ADAM18: variants seen among roughly 807,000 people sequenced by gnomAD.
The protein encoded by ADAM18 is ADAM metallopeptidase domain 18.
A neutral mutation model predicts 94.4 loss-of-function variants in ADAM18; 117 were observed. The observed-to-expected ratio is 1.24, with a 90% CI of 1.07 to 1.45. The LOEUF (loss-of-function observed/expected upper bound fraction) is 1.45, where lower values mean the gene tolerates loss of function less well. Among genes scored for constraint, ADAM18 ranks in the 40% most tolerant of loss-of-function variants. The pLI is 0.00. For synonymous variants in ADAM18, 327 were observed against 291.6 expected (o/e 1.12, Z -1.24); for missense variants, 936 against 880.0 (o/e 1.06, Z -0.81).
At position 39,669,873 on chromosome 8, in the gene ADAM18, C is replaced by A. The variant is rs1412768535; in HGVS notation, c.1525+1677C>A. Among the ~76,000 whole-genome samples, 3 of 152,114 alleles carry A rather than the reference C, an allele frequency of 2.0e-5. No homozygotes were observed. In the South Asian group the frequency reaches 6.2e-4, roughly 31 times the overall value. On this transcript the variant is annotated intron_variant, in intron 14 of 19. Transcript: ENST00000265707. ...TCAAATGGTATTTCTAGTTCTAGAT[C>A]CCTGAGGAATCACCACACTGACTTC...
At chr8:39,643,531 A>G (rs929424712) in intron 10 of ADAM18, among the ~76,000 whole-genome samples, 1 of 152,140 alleles carries the variant, frequency 6.6e-6, no homozygotes, top group Non-Finnish European at 1.5e-5. Flanking sequence ...CCATAACAAA[A>G]TACCGCAAAC....
At chr8:39,587,833 T>C (rs982730125) in intron 2 of ADAM18, among the ~76,000 whole-genome samples, 2 of 152,202 alleles carry the variant, frequency 1.3e-5, no homozygotes, top group Non-Finnish European at 2.9e-5. Flanking sequence ...CATAACATAA[T>C]GTTCTGTGGG....
intron 19 of ADAM18, among the ~76,000 whole-genome samples, chr8:39,724,781 GT>G (rs930166211): frequency 3.3e-5 from 5 of 151,776 alleles, no homozygotes; most frequent in African/African-American, 1.2e-4. Flanking sequence ...AAAATATTCT[GT>G]TTTTTCTTGT....
At position 39,630,211 on chromosome 8, in the gene ADAM18, TG is replaced by T. The variant is rs546672158; in HGVS notation, c.588+773del. Among the ~76,000 whole-genome samples the T allele has an allele frequency of 2.2e-3, 329 of 151,916 alleles. 1 individual carries two copies. The highest frequency in any genetic ancestry group is 7.3e-3 in the African/African-American group (305 of 41,528). On this transcript the variant is annotated intron_variant, in intron 7 of 19. Transcript: ENST00000265707. ...GAATAAATACACTTCTGGTTTTAAA[TG>T]TATATTTATTTTTAAAATTAGTACT... is the stretch of plus-strand genomic sequence containing the variant.
intron 17 of ADAM18, among the ~76,000 whole-genome samples, chr8:39,699,870 C>T (rs987927235): frequency 6.6e-6 from 1 of 152,092 alleles, no homozygotes; most frequent in African/African-American, 2.4e-5. Flanking sequence ...TCTGATATTT[C>T]CCAATGAGCT....
intron 18 of ADAM18, among the ~76,000 whole-genome samples, chr8:39,716,665 AT>A (rs1822588760): frequency 6.6e-6 from 1 of 151,914 alleles, no homozygotes; most frequent in African/African-American, 2.4e-5. Flanking sequence ...AGCAACACGC[AT>A]TTTGCTGCTG....
At position 39,635,561 on chromosome 8, in the gene ADAM18, A is replaced by C. The variant is rs567884980; in HGVS notation, c.589-1703A>C. Reference sequence around the variant, plus strand: ...ATATAGTAATCAAAACATAAAAGTTAATGTTTCTACATTATTAACAACTAT... The same window carrying C: ...ATATAGTAATCAAAACATAAAAGTTCATGTTTCTACATTATTAACAACTAT... On this transcript the variant is annotated intron_variant, in intron 7 of 19. Coordinates refer to ENST00000265707, the MANE Select transcript of ADAM18 (RefSeq NM_014237.3). Among the ~76,000 whole-genome samples the C allele has an allele frequency of 6.0e-4, 92 of 152,320 alleles. 2 individuals are homozygous for C. In the South Asian group the frequency reaches 0.011, roughly 19 times the overall value.
At chr8:39,637,830 T>C in intron 9 of ADAM18, 127 bp downstream of exon 9, 1 of 779,860 alleles carries the variant, frequency 1.3e-6, no homozygotes, top group Non-Finnish European at 1.9e-6. Flanking sequence ...TTAGTAGCCT[T>C]TGTCATAGAG....
intron 18 of ADAM18, among the ~76,000 whole-genome samples, chr8:39,719,338 A>G (rs535527307): frequency 4.3e-4 from 65 of 151,510 alleles, no homozygotes; most frequent in African/African-American, 1.4e-3. Flanking sequence ...AAATTAACTC[A>G]AAGTTGATTA....
At chr8:39,613,223 C>T (rs1160425516) in intron 6 of ADAM18, among the ~76,000 whole-genome samples, 1 of 152,158 alleles carries the variant, frequency 6.6e-6, no homozygotes, top group Non-Finnish European at 1.5e-5. Flanking sequence ...TTGACAGCAC[C>T]CCCAAATGGA....
intron 17 of ADAM18, among the ~76,000 whole-genome samples, chr8:39,693,104 C>CT: frequency 1.3e-5 from 2 of 151,476 alleles, no homozygotes; most frequent in Middle Eastern, 6.8e-3. Context: ...ACGCAAAAAG[C>CT]TTTTTTTATT....
At position 39,713,882 on chromosome 8, in the gene ADAM18, C is replaced by T. The variant is rs142938249; in HGVS notation, c.2017+6978C>T. Among the ~76,000 whole-genome samples, 423 of 152,190 alleles carry T rather than the reference C, an allele frequency of 2.8e-3. 4 individuals are homozygous for T. Among genetic ancestry groups the T allele is most frequent in the African/African-American group, 9.5e-3 (396 of 41,532 alleles). Reference sequence around the variant, plus strand: ...TCAACCATTGTGGAAGTCAGTGTGGCGATTCCTCAAGGATCTAGATCTAGA... The same window carrying T: ...TCAACCATTGTGGAAGTCAGTGTGGTGATTCCTCAAGGATCTAGATCTAGA... On this transcript the variant is annotated intron_variant, in intron 18 of 19. Coordinates refer to ENST00000265707, the MANE Select transcript of ADAM18 (RefSeq NM_014237.3).
intron 17 of ADAM18, among the ~76,000 whole-genome samples, chr8:39,706,362 C>A (rs988351662): frequency 2.6e-5 from 4 of 152,036 alleles, no homozygotes; most frequent in African/African-American, 4.8e-5. Context: ...AGTGGCCAAT[C>A]AATTGATATT....
At chr8:39,692,461 A>G (rs1476012155) in intron 16 of ADAM18, 139 bp from the exon 17 acceptor site, 1 of 422,064 alleles carries the variant, frequency 2.4e-6, no homozygotes, top group Non-Finnish European at 4.3e-6. Context: ...AATGTTAATC[A>G]TATTAATATT....
At chr8:39,642,706 T>C (rs534010715) in intron 10 of ADAM18, among the ~76,000 whole-genome samples, 1 of 152,102 alleles carries the variant, frequency 6.6e-6, no homozygotes, top group East Asian at 1.9e-4. Flanking sequence ...GTCTCCAGCT[T>C]TGTTTTCTTG....
At chr8:39,709,957 G>C (rs1211782204) in intron 18 of ADAM18, among the ~76,000 whole-genome samples, 1 of 152,182 alleles carries the variant, frequency 6.6e-6, no homozygotes, top group Non-Finnish European at 1.5e-5. Context: ...GATAGACAGA[G>C]GTTTAGTTAT....
intron 19 of ADAM18, among the ~76,000 whole-genome samples, chr8:39,727,765 A>G (rs115894941): frequency 0.019 from 2,951 of 151,508 alleles, 103 homozygotes; most frequent in African/African-American, 0.067. Context: ...AGCCCTCCGA[A>G]CTCTCCCAAC....
intron 12 of ADAM18, among the ~76,000 whole-genome samples, chr8:39,662,044 T>C (rs1475101899): frequency 6.6e-6 from 1 of 151,702 alleles, no homozygotes; most frequent in Non-Finnish European, 1.5e-5. Flanking sequence ...ATGGTCAAAA[T>C]ATATGATTAT....
intron 6 of ADAM18, among the ~76,000 whole-genome samples, chr8:39,622,302 C>T (rs1406991608): frequency 2.0e-5 from 3 of 148,706 alleles, no homozygotes; most frequent in Non-Finnish European, 3.0e-5. Flanking sequence ...CATAATTTTA[C>T]ATATATAATA....
Sources: gnomAD v4.1 joint callset for allele counts (sites outside exome capture counted in the v4.1 genomes callset) on GRCh38, gnomAD v4.1.1 for gene constraint, MANE v1.5 for transcripts, NCBI Gene and HGNC (gene_info 2026-07-23, HGNC 2026-07-21) for gene names.